The following VAV1 variants were observed in gnomAD, a reference collection of about 807,000 sequenced individuals.
The protein encoded by VAV1 is proto-oncogene vav.
In VAV1, 33 loss-of-function variants were observed where a neutral mutation model predicts 128.1. The observed-to-expected ratio is 0.26, with a 90% CI of 0.20 to 0.34. VAV1 has a LOEUF of 0.34. VAV1 is among the 10% of genes least tolerant of loss of function. The pLI, the probability that VAV1 is intolerant of heterozygous loss-of-function variation, is 1.00. For synonymous variants in VAV1, 394 were observed against 409.8 expected (o/e 0.96, Z 0.47); for missense variants, 715 against 1,093.7 (o/e 0.65, Z 4.88).
At chr19:6,852,918 T>A in intron 24 of VAV1, 47 bp from the exon 25 acceptor site, 1 of 1,532,428 alleles carries the variant, frequency 6.5e-7, no homozygotes, top group South Asian at 1.1e-5. Flanking sequence ...TGCCCCCTTA[T>A]GGGCTGGCCC....
intron 1 of VAV1, among the ~76,000 whole-genome samples, chr19:6,805,821 A>G (rs1239805022): frequency 6.6e-6 from 1 of 152,010 alleles, no homozygotes; most frequent in Non-Finnish European, 1.5e-5. Context: ...AATAAAAAAG[A>G]AACTAAAAGA....
At chr19:6,776,987 C>A (rs1000335713) in intron 1 of VAV1, among the ~76,000 whole-genome samples, 1 of 151,974 alleles carries the variant, frequency 6.6e-6, no homozygotes, top group Non-Finnish European at 1.5e-5. Context: ...GAACTCCTGA[C>A]CTTGTGATCC....
intron 16 of VAV1, 60 bp downstream of exon 16, chr19:6,833,345 A>G: frequency 6.6e-7 from 1 of 1,521,328 alleles, no homozygotes; most frequent in Non-Finnish European, 8.9e-7. Context: ...CTTGCTAGAG[A>G]AGATGGCCTA....
intron 15 of VAV1, among the ~76,000 whole-genome samples, chr19:6,832,690 TC>T (rs1972112607): frequency 6.7e-6 from 1 of 149,946 alleles, no homozygotes; most frequent in East Asian, 2.0e-4. Context: ...TTCTTTCTCT[TC>T]CTCCTCCCTT....
chr19:6,837,081 G>A, intron 21 of VAV1, 31 bp downstream of exon 21: 1 of 1,611,616 alleles, frequency 6.2e-7, no homozygotes, highest in Non-Finnish European at 8.5e-7. Flanking sequence ...TGGAATAAGG[G>A]CAAGGGGTCC....
At chr19:6,843,926 T>A (rs1386854324) in intron 22 of VAV1, among the ~76,000 whole-genome samples, 1 of 151,986 alleles carries the variant, frequency 6.6e-6, no homozygotes, top group African/African-American at 2.4e-5. Flanking sequence ...TAATGGCACA[T>A]AAAAGAATGG....
chr19:6,833,153 T>G (rs776283092), intron 15 of VAV1, 31 bp from the exon 16 acceptor site: 1 of 762,958 alleles, frequency 1.3e-6, no homozygotes, highest in Non-Finnish European at 1.8e-6. Flanking sequence ...CTGACCTTCT[T>G]TTTTTTTTTT....
chr19:6,776,443 T>TCCATCCAC lies in VAV1; in HGVS notation c.204+3435_204+3436insTCCACCCA, dbSNP rs1568279130. 4.7e-3 allele frequency among the ~76,000 whole-genome samples: 551 copies of TCCATCCAC among 116,018 alleles called. 2 individuals carry two copies. The highest frequency in any genetic ancestry group is 0.013 in the African/African-American group (381 of 28,384). The allele number at this position is 116,018 out of a possible 152,430, so 76.1% of individuals were successfully genotyped here. A position where few individuals can be genotyped will look rare whatever the true frequency, so the allele number is the denominator to read the frequency against. On this transcript the variant is annotated intron_variant, in intron 1 of 26. Transcript: ENST00000602142. ...ATCCATCCATCCATCCATCCATCCA[T>TCCATCCAC]CCACCCACCCATCCACCCACCCATC...
intron 15 of VAV1, 152 bp downstream of exon 15, chr19:6,832,352 G>A: frequency 1.4e-6 from 1 of 725,458 alleles, no homozygotes. Flanking sequence ...ACAGGCCCAA[G>A]GCTGTCTTCA....
chr19:6,836,180 C>A (rs181080487), intron 19 of VAV1: 16 of 404,466 alleles, frequency 4.0e-5, no homozygotes, highest in African/African-American at 3.1e-4. Context: ...AGCCAGGACA[C>A]ATGTTTTCAT....
intron 1 of VAV1, among the ~76,000 whole-genome samples, chr19:6,791,480 T>G (rs1012006905): frequency 7.9e-5 from 12 of 152,188 alleles, no homozygotes; most frequent in Non-Finnish European, 1.6e-4. Flanking sequence ...TTGAGCTACC[T>G]CCTCGTCTCA....
At position 6,777,807 on chromosome 19, in the gene VAV1, T is replaced by C. The variant is rs889518902; in HGVS notation, c.204+4796T>C. Among the ~76,000 whole-genome samples, 18 of 150,018 alleles carry C rather than the reference T, an allele frequency of 1.2e-4. No homozygotes were observed. Among genetic ancestry groups the C allele is most frequent in the Non-Finnish European group, 2.7e-4 (18 of 67,172 alleles). The stretch of plus-strand genomic sequence containing the variant: ...ACACCCAACTCTCAATTATGAATTT[T>C]GTTTTTTTTAAATGAGACAGAGCCT... On this transcript the variant is annotated intron_variant, in intron 1 of 26. Transcript: ENST00000602142. This position sits in a 1 kb window ranked among gnomAD's most constrained non-coding sequence, Gnocchi z 4.4.
chr19:6,845,489 C>G (rs919440202), intron 22 of VAV1, among the ~76,000 whole-genome samples: 1 of 151,838 alleles, frequency 6.6e-6, no homozygotes, highest in African/African-American at 2.4e-5. Context: ...TATTTCTATT[C>G]ATATTTACAT....
At chr19:6,814,665 TTCCTTCC>T (rs1404103704) in intron 1 of VAV1, among the ~76,000 whole-genome samples, 2 of 81,844 alleles carry the variant, frequency 2.4e-5, no homozygotes, top group Non-Finnish European at 4.4e-5. Flanking sequence ...CCTTCCTTCC[TTCCTTCC>T]TTTCTTTCTT....
At chr19:6,829,977 C>T (rs2144785560) in intron 14 of VAV1, 59 bp downstream of exon 14, 1 of 1,607,942 alleles carries the variant, frequency 6.2e-7, no homozygotes, top group East Asian at 2.2e-5. Context: ...TTAGCCCTCT[C>T]CACTTGGGCA....
rs201489097 is a variant in VAV1 at position 6,844,063 on chromosome 19, C to T, written c.2012+897C>T. On this transcript the variant is annotated intron_variant, in intron 22 of 26. Coordinates refer to ENST00000602142, the MANE Select transcript of VAV1 (RefSeq NM_005428.4). Reference sequence around the variant, plus strand: ...ACTTTCTTCTTTTCTTCTTCTTCTTCTTTTTTTTTTTTTTTTTTTTTTTTT... The same window carrying T: ...ACTTTCTTCTTTTCTTCTTCTTCTTTTTTTTTTTTTTTTTTTTTTTTTTTT... 4.4e-3 allele frequency among the ~76,000 whole-genome samples: 93 copies of T among 21,318 alleles called. 1 individual carries two copies. Among genetic ancestry groups the T allele is most frequent in the Middle Eastern group, 0.056 (2 of 36 alleles). 14.0% of individuals were successfully genotyped at this position (21,318 alleles called of 152,430 possible). A position where few individuals can be genotyped will look rare whatever the true frequency, so the allele number is the denominator to read the frequency against.
rs931749095 is a variant in VAV1 at position 6,777,919 on chromosome 19, G to A, written c.204+4908G>A. On this transcript the variant is annotated intron_variant, in intron 1 of 26. Transcript: ENST00000602142. This position sits in a 1 kb window ranked among gnomAD's most constrained non-coding sequence, Gnocchi z 4.4. ...AGGTTCAAGCAATTCTCCTGCAGCA[G>A]CCTCCTGAGTATCTGGGATTACAGG... Among the ~76,000 whole-genome samples, 1 of 152,122 alleles carries A rather than the reference G, an allele frequency of 6.6e-6. No homozygotes were observed. Among genetic ancestry groups the A allele is most frequent in the Admixed American group, 6.6e-5 (1 of 15,256 alleles).
intron 1 of VAV1, among the ~76,000 whole-genome samples, chr19:6,785,928 G>A (rs1203097092): frequency 6.6e-6 from 1 of 151,980 alleles, no homozygotes; most frequent in Non-Finnish European, 1.5e-5. Flanking sequence ...CAAAGTGCTG[G>A]GATTACAGGT....
At chr19:6,776,284 TCATCCATCCATCCATC>T (rs59236244) in intron 1 of VAV1, among the ~76,000 whole-genome samples, 8 of 100,670 alleles carry the variant, frequency 7.9e-5, no homozygotes, top group African/African-American at 1.6e-4. Context: ...ATCTATCCAC[TCATCCATCCATCCATC>T]CATCCATCCA....
Sources: gnomAD v4.1 joint callset for allele counts (sites outside exome capture counted in the v4.1 genomes callset) on GRCh38, gnomAD v4.1.1 for gene constraint, Gnocchi (gnomAD v3.1) non-coding constraint, MANE v1.5 for transcripts, NCBI Gene and HGNC (gene_info 2026-07-23, HGNC 2026-07-21) for gene names.